The following CACNA1E variants were observed in gnomAD, a reference collection of about 807,000 sequenced individuals.
CACNA1E encodes the protein calcium voltage-gated channel subunit alpha1 E.
In CACNA1E, 40 loss-of-function variants were observed where a neutral mutation model predicts 259.2. The ratio of observed to expected loss-of-function variants is 0.15; its 90% CI spans 0.12 to 0.20. The LOEUF (loss-of-function observed/expected upper bound fraction) is 0.20. CACNA1E is among the 10% of genes least tolerant of loss of function. The probability of loss-of-function intolerance (pLI) is 1.00; values close to 1 mark genes in which losing one functional copy is unlikely to be tolerated. For missense variants in CACNA1E, 1,874 were observed against 3,040.1 expected, an observed-to-expected ratio of 0.62 and a Z score of 9.02; for synonymous variants, 1,104 against 1,138.5, an observed-to-expected ratio of 0.97 and a Z score of 0.61.
intron 7 of CACNA1E, among the ~76,000 whole-genome samples, chr1:181,671,832 C>G (rs1449627205): frequency 3.3e-5 from 5 of 152,158 alleles, no homozygotes; most frequent in East Asian, 1.9e-4. Flanking sequence ...AAAAAGGATG[C>G]CTTTGTGAGC....
intron 1 of CACNA1E, among the ~76,000 whole-genome samples, chr1:181,396,912 A>G (rs1656718790): frequency 6.6e-6 from 1 of 152,194 alleles, no homozygotes; most frequent in Admixed American, 6.5e-5. Flanking sequence ...TTGGGTAAAG[A>G]CTGGAGCTAC....
At chr1:181,468,215 G>T (rs1662269991) in intron 2 of CACNA1E, among the ~76,000 whole-genome samples, 1 of 152,158 alleles carries the variant, frequency 6.6e-6, no homozygotes, top group Non-Finnish European at 1.5e-5. Flanking sequence ...ACAAAATATT[G>T]TACTCGAGAT....
At chr1:181,502,544 G>T (rs1665343234) in intron 1 of CACNA1E, among the ~76,000 whole-genome samples, 1 of 152,154 alleles carries the variant, frequency 6.6e-6, no homozygotes, top group Non-Finnish European at 1.5e-5. Context: ...GGGTGGAGCG[G>T]CTTGCTGAGA....
chr1:181,724,203 C>T (rs1210166747), intron 16 of CACNA1E, among the ~76,000 whole-genome samples: 1 of 152,216 alleles, frequency 6.6e-6, no homozygotes, highest in Non-Finnish European at 1.5e-5. Flanking sequence ...CTCACCCCAT[C>T]TGGCCCCCAG....
At chr1:181,580,871 G>C (rs954701519) in intron 6 of CACNA1E, 95 bp downstream of exon 6, 1 of 1,080,102 alleles carries the variant, frequency 9.3e-7, no homozygotes, top group East Asian at 2.5e-5. Context: ...GGGACAGGGA[G>C]GGCTATGGAT....
rs931390363 is a variant in CACNA1E at position 181,715,249 on chromosome 1, C to G, written c.1172-89C>G. 1.3e-5 allele frequency: 10 copies of G among 780,838 alleles called. No homozygotes were observed. In the African/African-American group the frequency reaches 1.5e-4, roughly 12 times the overall value. 48.4% of individuals were successfully genotyped at this position (780,838 alleles called of 1,614,324 possible). On this transcript the variant is annotated intron_variant, in intron 8 of 47. Coordinates refer to ENST00000367573, the MANE Select transcript of CACNA1E (RefSeq NM_001205293.3). Reference sequence around the variant, plus strand: ...TGAACTCTGCTCTCTCTCTGTTGCCCTGAGCTGAAGTTGTCCCTGAGGGAT... The same window carrying G: ...TGAACTCTGCTCTCTCTCTGTTGCCGTGAGCTGAAGTTGTCCCTGAGGGAT...
chr1:181,678,268 C>T (rs55964763), intron 7 of CACNA1E, among the ~76,000 whole-genome samples: 1 of 152,182 alleles, frequency 6.6e-6, no homozygotes, highest in Non-Finnish European at 1.5e-5. Context: ...AGTGTTTATT[C>T]TACCCAGACC....
intron 6 of CACNA1E, among the ~76,000 whole-genome samples, chr1:181,590,412 A>T (rs1257215671): frequency 0.031 from 3,729 of 121,282 alleles, 68 homozygotes; most frequent in Non-Finnish European, 0.048. Context: ...AAAAAAAAAA[A>T]AAAAATATAT....
chr1:181,373,969 A>C (rs981103832), intron 1 of CACNA1E, among the ~76,000 whole-genome samples: 2 of 152,180 alleles, frequency 1.3e-5, no homozygotes, highest in African/African-American at 4.8e-5. Flanking sequence ...GGTTTTGTTT[A>C]TCATTTGTAT....
At chr1:181,538,631 G>A (rs1317669922) in intron 3 of CACNA1E, among the ~76,000 whole-genome samples, 2 of 152,144 alleles carry the variant, frequency 1.3e-5, no homozygotes, top group African/African-American at 4.8e-5. Context: ...TGTATTCTGG[G>A]AGTATGGAAG....
At chr1:181,385,815 C>T (rs537067333) in intron 1 of CACNA1E, among the ~76,000 whole-genome samples, 2 of 150,456 alleles carry the variant, frequency 1.3e-5, no homozygotes, top group Middle Eastern at 3.4e-3. Context: ...TCCGTTTCTC[C>T]ATTCTTTCCT....
At chr1:181,712,372 G>A (rs1653458938) in intron 8 of CACNA1E, among the ~76,000 whole-genome samples, 1 of 152,114 alleles carries the variant, frequency 6.6e-6, no homozygotes, top group Non-Finnish European at 1.5e-5. Flanking sequence ...AGAAAACATA[G>A]CACAAAAGTG....
intron 7 of CACNA1E, among the ~76,000 whole-genome samples, chr1:181,683,178 G>A (rs1433321126): frequency 2.6e-5 from 4 of 152,326 alleles, no homozygotes; most frequent in South Asian, 4.1e-4. Context: ...TGCATCTTAT[G>A]CATCTTTGCA....
At chr1:181,727,630 C>T (rs1054905122) in intron 18 of CACNA1E, among the ~76,000 whole-genome samples, 4 of 152,082 alleles carry the variant, frequency 2.6e-5, no homozygotes, top group African/African-American at 4.8e-5. Context: ...CTGGTCTCTG[C>T]GTGGTGACAC....
chr1:181,793,819 G>T (rs747189420), intron 45 of CACNA1E, 26 bp downstream of exon 45: 3 of 1,607,482 alleles, frequency 1.9e-6, no homozygotes, highest in Non-Finnish European at 2.5e-6. Context: ...CTACATTAAT[G>T]CAGTGGCATC....
intron 3 of CACNA1E, among the ~76,000 whole-genome samples, chr1:181,541,353 T>TA (rs1348023728): frequency 4.6e-5 from 7 of 151,600 alleles, no homozygotes; most frequent in African/African-American, 1.7e-4. Context: ...AAGATACACT[T>TA]AAAAAAAGAT....
chr1:181,780,201 T>C (rs142825854), intron 38 of CACNA1E, among the ~76,000 whole-genome samples: 151 of 152,176 alleles, frequency 9.9e-4, no homozygotes, highest in Admixed American at 1.5e-3. Context: ...AAGATCACAG[T>C]GAATGAAGCA....
At chr1:181,708,807 A>G (rs1653052183) in intron 7 of CACNA1E, among the ~76,000 whole-genome samples, 1 of 152,234 alleles carries the variant, frequency 6.6e-6, no homozygotes, top group Non-Finnish European at 1.5e-5. Context: ...AGATTAAATG[A>G]GCAAAATATA....
intron 3 of CACNA1E, among the ~76,000 whole-genome samples, chr1:181,567,490 A>G (rs1649962035): frequency 6.6e-6 from 1 of 152,220 alleles, no homozygotes; most frequent in East Asian, 1.9e-4. Context: ...GAAACTCCAA[A>G]CCAACCAACC....
Sources: gnomAD v4.1 joint callset for allele counts (sites outside exome capture counted in the v4.1 genomes callset) on GRCh38, gnomAD v4.1.1 for gene constraint, MANE v1.5 for transcripts, NCBI Gene and HGNC (gene_info 2026-07-23, HGNC 2026-07-21) for gene names.